Variants in REEP1 observed in about 807,000 individuals in gnomAD.
REEP1 encodes receptor accessory protein 1, also known as receptor expression-enhancing protein 1.
In REEP1, 22 loss-of-function variants were observed where a neutral mutation model predicts 40.3. That is an observed-to-expected ratio of 0.55 (90% CI 0.39 to 0.78). The LOEUF is 0.78. REEP1 is among the 30% of genes least tolerant of loss of function. The pLI, the probability that REEP1 is intolerant of heterozygous loss-of-function variation, is 0.00. For missense variants in REEP1, 280 were observed against 361.1 expected, an observed-to-expected ratio of 0.78 and a Z score of 1.82; for synonymous variants, 116 against 139.2, an observed-to-expected ratio of 0.83 and a Z score of 1.17.
chr2:86,315,151 G>A (rs988132075), intron 1 of REEP1, among the ~76,000 whole-genome samples: 3 of 152,144 alleles, frequency 2.0e-5, no homozygotes, highest in African/African-American at 7.2e-5. Flanking sequence ...TAGAGACGTA[G>A]AAGATGGGAT....
chr2:86,275,030 C>A (rs1338110308), intron 2 of REEP1, among the ~76,000 whole-genome samples: 2 of 152,220 alleles, frequency 1.3e-5, no homozygotes, highest in Non-Finnish European at 2.9e-5. Context: ...AGCCTCACCT[C>A]ACCTTTGGAC....
intron 2 of REEP1, among the ~76,000 whole-genome samples, chr2:86,280,528 A>C (rs1443553701): frequency 6.6e-6 from 1 of 152,212 alleles, no homozygotes; most frequent in Non-Finnish European, 1.5e-5. Flanking sequence ...TCTGGCACAG[A>C]TTGCAGGCGG....
chr2:86,263,383 C>T (rs1057216744), intron 3 of REEP1, among the ~76,000 whole-genome samples: 2 of 152,036 alleles, frequency 1.3e-5, no homozygotes, highest in African/African-American at 4.8e-5. Context: ...GTGTGCACCA[C>T]CATGCCCGGC....
chr2:86,334,813 G>A (rs757905219), intron 1 of REEP1, among the ~76,000 whole-genome samples: 28 of 152,236 alleles, frequency 1.8e-4, no homozygotes, highest in Admixed American at 4.6e-4. Context: ...TAGGGTTCCC[G>A]GGGAGGACAG....
At chr2:86,226,126 C>CCATCAT (rs1433459608) in intron 7 of REEP1, among the ~76,000 whole-genome samples, 1 of 121,898 alleles carries the variant, frequency 8.2e-6, no homozygotes, top group Admixed American at 9.6e-5. Flanking sequence ...ATCATCACCA[C>CCATCAT]CACCACCACC....
In REEP1 at chr2:86,333,268, G is replaced by A. The variant is rs115681007; in HGVS notation, c.32+4211C>T. On this transcript the variant is annotated intron_variant, in intron 1 of 8. Transcript: ENST00000538924. ...TTTTGCAACAGTTGGGGAACATCTT[G>A]AGGACAATCCACATTCCTCCCAGCT... is the stretch of plus-strand genomic sequence containing the variant. Among the ~76,000 whole-genome samples, 583 of 152,154 alleles carry A rather than the reference G, an allele frequency of 3.8e-3. 1 individual carries two copies. Among genetic ancestry groups the A allele is most frequent in the African/African-American group, 0.012 (517 of 41,488 alleles).
At chr2:86,267,082 G>A (rs1677190390) in intron 2 of REEP1, among the ~76,000 whole-genome samples, 2 of 152,030 alleles carry the variant, frequency 1.3e-5, no homozygotes, top group South Asian at 4.2e-4. Flanking sequence ...AATTGCTTGA[G>A]GCCAGGAATT....
At chr2:86,252,559 G>C (rs541241765) in intron 4 of REEP1, among the ~76,000 whole-genome samples, 5 of 152,320 alleles carry the variant, frequency 3.3e-5, no homozygotes, top group African/African-American at 9.6e-5. Context: ...AGCATGGTGA[G>C]GATTAAATGA....
intron 1 of REEP1, among the ~76,000 whole-genome samples, chr2:86,315,133 G>A (rs1237388802): frequency 2.6e-5 from 4 of 152,068 alleles, no homozygotes; most frequent in Non-Finnish European, 5.9e-5. Context: ...CAGAGTAGCC[G>A]GGACTCTTAG....
intron 5 of REEP1, 104 bp from the exon 6 acceptor site, chr2:86,232,906 G>A: frequency 8.6e-7 from 1 of 1,161,058 alleles, no homozygotes; most frequent in Non-Finnish European, 1.2e-6. Flanking sequence ...TGGAAATCAA[G>A]ACCTGGATCA....
At chr2:86,325,037 C>A (rs371837474) in intron 1 of REEP1, among the ~76,000 whole-genome samples, 8 of 152,104 alleles carry the variant, frequency 5.3e-5, no homozygotes, top group African/African-American at 1.9e-4. Flanking sequence ...TTTTCTATTG[C>A]CTCATTAATT....
chr2:86,287,254 A>C (rs1678444656), intron 1 of REEP1, among the ~76,000 whole-genome samples: 1 of 151,946 alleles, frequency 6.6e-6, no homozygotes, highest in African/African-American at 2.4e-5. Flanking sequence ...CATCTGGCTA[A>C]TTTTTGTATT....
Position 86,337,320 on chromosome 2 carries a change from C to T in REEP1, c.32+159G>A, listed in dbSNP as rs1681095168. ...GCCGCGTCCTGCGCCGCCCGTCCGCCCGCAGGCGTCCTCGGCGGCTACTGT... is the reference window on the plus strand; with the variant it reads ...GCCGCGTCCTGCGCCGCCCGTCCGCTCGCAGGCGTCCTCGGCGGCTACTGT... On this transcript the variant is annotated intron_variant, in intron 1 of 8. Transcript: ENST00000538924. This position sits in a 1 kb window ranked among gnomAD's most constrained non-coding sequence, Gnocchi z 5.8. The T allele has an allele frequency of 2.5e-6, 1 of 401,532 alleles. No individual in the cohort carries two copies. Among genetic ancestry groups the T allele is most frequent in the East Asian group, 4.8e-5 (1 of 20,692 alleles). The allele number at this position is 401,532 out of a possible 1,614,324, so 24.9% of individuals were successfully genotyped here. A position where few individuals can be genotyped will look rare whatever the true frequency, so the allele number is the denominator to read the frequency against.
At chr2:86,257,828 G>A (rs964662118) in intron 3 of REEP1, among the ~76,000 whole-genome samples, 1 of 151,968 alleles carries the variant, frequency 6.6e-6, no homozygotes, top group Admixed American at 6.6e-5. Flanking sequence ...AGTAGAGACG[G>A]GGGTTTCACC....
At chr2:86,225,274 G>A (rs895403950) in intron 7 of REEP1, among the ~76,000 whole-genome samples, 1 of 152,252 alleles carries the variant, frequency 6.6e-6, no homozygotes, top group Middle Eastern at 3.4e-3. Context: ...AGAATCCCCA[G>A]CTTTTTTGTT....
intron 5 of REEP1, chr2:86,239,794 T>C (rs1258765149): frequency 6.6e-6 from 1 of 152,206 alleles, no homozygotes; most frequent in Non-Finnish European, 1.5e-5. Flanking sequence ...GTTAATCACA[T>C]GTTAGATGCT....
At chr2:86,294,093 T>C (rs944462877) in intron 1 of REEP1, among the ~76,000 whole-genome samples, 2 of 152,194 alleles carry the variant, frequency 1.3e-5, no homozygotes, top group Non-Finnish European at 2.9e-5. Context: ...CTTAACTAGA[T>C]AAGTAAAACT....
Position 86,337,449 on chromosome 2 carries a change from C to A in REEP1, c.32+30G>T. On this transcript the variant is annotated intron_variant, in intron 1 of 8. Transcript: ENST00000538924. The surrounding 1 kb of genome is among the most constrained non-coding windows in gnomAD (Gnocchi z 5.8). Reference sequence around the variant, plus strand: ...GGGCCGGGGGCGGGGAGGGAGGGGACGGAGGGGCGCGGGGGAGAAGGCCAC... The same window carrying A: ...GGGCCGGGGGCGGGGAGGGAGGGGAAGGAGGGGCGCGGGGGAGAAGGCCAC... The A allele has an allele frequency of 2.5e-6, 3 of 1,221,002 alleles. No homozygotes were observed. Among genetic ancestry groups the A allele is most frequent in the Non-Finnish European group, 3.1e-6 (3 of 974,792 alleles). The allele number at this position is 1,221,002 out of a possible 1,614,324, so 75.6% of individuals were successfully genotyped here.
chr2:86,216,833 T>A lies in REEP1; in HGVS notation c.*206A>T. ...GGTCACCACCCCCGCCCCTACTACC[T>A]TTCCCTTTAGCCTCTCCCCAGCAAA... is the stretch of plus-strand genomic sequence containing the variant. On this transcript the variant is annotated 3_prime_UTR_variant, in exon 9 of 9. Transcript: ENST00000538924. The A allele has an allele frequency of 7.5e-4, 320 of 429,458 alleles. No individual in the cohort carries two copies. Among genetic ancestry groups the A allele is most frequent in the East Asian group, 1.4e-3 (31 of 21,746 alleles). 26.6% of individuals were successfully genotyped at this position (429,458 alleles called of 1,614,324 possible).
Sources: gnomAD v4.1 joint callset for allele counts (sites outside exome capture counted in the v4.1 genomes callset) on GRCh38, gnomAD v4.1.1 for gene constraint, Gnocchi (gnomAD v3.1) non-coding constraint, MANE v1.5 for transcripts, NCBI Gene and HGNC (gene_info 2026-07-23, HGNC 2026-07-21) for gene names.